Variants in CRIM1 observed in about 807,000 individuals in gnomAD.
CRIM1 encodes the protein cysteine-rich motor neuron 1 protein.
In CRIM1, 32 loss-of-function variants were observed where a neutral mutation model predicts 116.4. The observed-to-expected ratio is 0.27, with a 90% CI of 0.21 to 0.37. The LOEUF is 0.37. CRIM1 is among the 10% of genes least tolerant of loss of function. CRIM1 has a pLI of 1.00. For missense variants in CRIM1, 1,331 were observed against 1,354.8 expected (o/e 0.98, Z 0.28); for synonymous variants, 590 against 509.2 (o/e 1.16, Z -2.13).
chr2:36,436,041 C>G (rs530414818), intron 2 of CRIM1, among the ~76,000 whole-genome samples: 112 of 150,682 alleles, frequency 7.4e-4, no homozygotes, highest in African/African-American at 2.7e-3. Flanking sequence ...GGAGAGACTT[C>G]AAATAGATAA....
At chr2:36,358,359 A>G (rs1476156336) in intron 1 of CRIM1, among the ~76,000 whole-genome samples, 2 of 152,214 alleles carry the variant, frequency 1.3e-5, no homozygotes, top group African/African-American at 4.8e-5. Context: ...GTAAATCTGA[A>G]AAGAACAGGC....
chr2:36,474,847 C>CAAAAAAAAA (rs56084308), intron 5 of CRIM1, among the ~76,000 whole-genome samples: 11 of 90,734 alleles, frequency 1.2e-4, no homozygotes, highest in African/African-American at 2.7e-4. Flanking sequence ...GACTCTATAT[C>CAAAAAAAAA]AAAAAAAAAA....
intron 1 of CRIM1, chr2:36,378,814 T>TTG (rs1558516025): frequency 1.3e-5 from 2 of 151,024 alleles, no homozygotes; most frequent in Non-Finnish European, 2.9e-5. Context: ...CGGTTTTTTT[T>TTG]TTTTTTTTTT....
intron 13 of CRIM1, among the ~76,000 whole-genome samples, chr2:36,535,776 TTATCCA>T (rs1001981240): frequency 1.7e-4 from 26 of 152,240 alleles, no homozygotes; most frequent in Admixed American, 2.6e-4. Context: ...TCTGCCCTCC[TTATCCA>T]TAACCACAGA....
At chr2:36,502,580 A>G (rs1018155484) in intron 8 of CRIM1, among the ~76,000 whole-genome samples, 1 of 152,216 alleles carries the variant, frequency 6.6e-6, no homozygotes, top group Non-Finnish European at 1.5e-5. Flanking sequence ...GTAGTATTCT[A>G]GGTATTAAGG....
At chr2:36,503,117 T>C (rs1243838802) in intron 8 of CRIM1, among the ~76,000 whole-genome samples, 1 of 152,180 alleles carries the variant, frequency 6.6e-6, no homozygotes, top group Non-Finnish European at 1.5e-5. Context: ...AGCCACACCT[T>C]TGGGATGTCA....
At chr2:36,522,368 A>T in intron 13 of CRIM1, 55 bp downstream of exon 13, 1 of 1,312,838 alleles carries the variant, frequency 7.6e-7, no homozygotes. Flanking sequence ...CTAAATCTGT[A>T]TTGACAGCCA....
intron 2 of CRIM1, among the ~76,000 whole-genome samples, chr2:36,428,363 A>T (rs1486952162): frequency 6.6e-6 from 1 of 152,242 alleles, no homozygotes; most frequent in Non-Finnish European, 1.5e-5. Context: ...TTGTAGACAG[A>T]ATCATTCCCA....
intron 13 of CRIM1, among the ~76,000 whole-genome samples, chr2:36,530,069 A>C (rs969269296): frequency 1.3e-5 from 2 of 152,204 alleles, no homozygotes; most frequent in African/African-American, 4.8e-5. Context: ...TTATAAAGTA[A>C]AATACCCAAA....
Position 36,520,654 on chromosome 2 carries a change from G to A in CRIM1, c.2207-1438G>A, listed in dbSNP as rs1261220331. 2.6e-5 allele frequency among the ~76,000 whole-genome samples: 4 copies of A among 152,196 alleles called. No individual in the cohort carries two copies. The East Asian group carries it at 7.7e-4, about 29-fold the overall frequency. On this transcript the variant is annotated intron_variant, in intron 12 of 16. Coordinates refer to ENST00000280527, the MANE Select transcript of CRIM1 (RefSeq NM_016441.3). ...TAGTCATAGGAGATACAGTTACTCA[G>A]TTTAAAGGAGAGGGTATGGGCCAAT...
intron 1 of CRIM1, among the ~76,000 whole-genome samples, chr2:36,387,266 C>T (rs552274329): frequency 6.6e-6 from 1 of 152,090 alleles, no homozygotes; most frequent in South Asian, 2.1e-4. Flanking sequence ...TTTAGAGTAT[C>T]CTGATGAAGA....
chr2:36,418,295 G>C (rs911413742), intron 2 of CRIM1, among the ~76,000 whole-genome samples: 67 of 152,226 alleles, frequency 4.4e-4, no homozygotes, highest in African/African-American at 1.6e-3. Flanking sequence ...CACTTTTCAT[G>C]TTTGAGCTCT....
At chr2:36,389,821 T>C (rs538666268) in intron 1 of CRIM1, among the ~76,000 whole-genome samples, 14 of 152,258 alleles carry the variant, frequency 9.2e-5, no homozygotes, top group Non-Finnish European at 1.8e-4. Flanking sequence ...TGGAAAGATA[T>C]GTTGAAGAGC....
intron 5 of CRIM1, among the ~76,000 whole-genome samples, chr2:36,471,760 C>CA (rs1553316612): frequency 0.54 from 71,988 of 134,300 alleles, 17,469 homozygotes; most frequent in South Asian, 0.68. Context: ...CACACACACA[C>CA]CATCTTACAA....
intron 4 of CRIM1, among the ~76,000 whole-genome samples, chr2:36,452,797 G>A (rs1019551038): frequency 2.0e-5 from 3 of 152,100 alleles, no homozygotes; most frequent in Admixed American, 1.3e-4. Context: ...AGTTTAATCC[G>A]AGTGGTCATG....
At position 36,528,330 on chromosome 2, in the gene CRIM1, A is replaced by G. The variant is rs149474868; in HGVS notation, c.2428+6017A>G. Among the ~76,000 whole-genome samples, 172 of 152,348 alleles carry G rather than the reference A, an allele frequency of 1.1e-3. 2 individuals carry two copies. The highest frequency in any genetic ancestry group is 3.8e-3 in the African/African-American group (157 of 41,586). ...ACCTCATCCTGCCTGCTCCCATCTT[A>G]AAAAGCCCATGTCACTTTGGTCACT... On this transcript the variant is annotated intron_variant, in intron 13 of 16. Transcript: ENST00000280527.
chr2:36,387,567 G>A (rs953546909), intron 1 of CRIM1, among the ~76,000 whole-genome samples: 1 of 152,298 alleles, frequency 6.6e-6, no homozygotes, highest in African/African-American at 2.4e-5. Context: ...AAAGCAGAGG[G>A]AATATAAGAG....
intron 7 of CRIM1, among the ~76,000 whole-genome samples, chr2:36,497,790 G>C (rs1680704146): frequency 6.6e-6 from 1 of 152,200 alleles, no homozygotes; most frequent in African/African-American, 2.4e-5. Context: ...GTGAAGAGTT[G>C]AATCACTGTC....
intron 1 of CRIM1, among the ~76,000 whole-genome samples, chr2:36,376,020 A>T (rs528238548): frequency 2.0e-5 from 3 of 152,314 alleles, no homozygotes; most frequent in African/African-American, 4.8e-5. Context: ...TGTCTCCAGG[A>T]TGAATAAAGA....
Sources: allele counts gnomAD v4.1 joint callset (sites outside exome capture counted in the v4.1 genomes callset), GRCh38; gene constraint gnomAD v4.1.1; transcripts MANE v1.5; gene names NCBI Gene and HGNC (gene_info 2026-07-23, HGNC 2026-07-21).